Variants in EXOC4 observed in about 807,000 individuals in gnomAD.
EXOC4 encodes SEC8-like 1.
A neutral mutation model predicts 107.2 loss-of-function variants in EXOC4; 71 were observed. The observed-to-expected ratio is 0.66, with a 90% CI of 0.55 to 0.81. EXOC4 has a LOEUF of 0.81. Ranked by LOEUF, EXOC4 falls within the 30% of genes least tolerant of loss-of-function variation. EXOC4 has a pLI of 0.00. For synonymous variants in EXOC4, 456 were observed against 441.2 expected, an observed-to-expected ratio of 1.03 and a Z score of -0.42; for missense variants, 1,108 against 1,189.6, an observed-to-expected ratio of 0.93 and a Z score of 1.01.
chr7:133,668,482 C>T (rs969527759), intron 10 of EXOC4, among the ~76,000 whole-genome samples: 1 of 152,196 alleles, frequency 6.6e-6, no homozygotes, highest in Admixed American at 6.5e-5. Context: ...TGCATTTTCT[C>T]ATAGACATCA....
At chr7:133,681,852 A>G (rs1366811041) in intron 10 of EXOC4, among the ~76,000 whole-genome samples, 2 of 152,156 alleles carry the variant, frequency 1.3e-5, no homozygotes, top group African/African-American at 4.8e-5. Flanking sequence ...ATTAATACAT[A>G]TGAAATGCTT....
chr7:133,950,049 C>G (rs1370246553), intron 14 of EXOC4, among the ~76,000 whole-genome samples: 1 of 152,094 alleles, frequency 6.6e-6, no homozygotes, highest in Non-Finnish European at 1.5e-5. Context: ...TATTCTCTAT[C>G]TCTTTGGAAC....
intron 1 of EXOC4, chr7:133,254,063 C>T (rs1241438947): frequency 6.6e-6 from 1 of 151,622 alleles, no homozygotes. Context: ...CTCTATTTTT[C>T]CCCACCTATA....
At chr7:134,092,922 C>CAAAAAA in the EXOC4 span, among the ~76,000 whole-genome samples, 44 of 80,482 alleles carry the variant, frequency 5.5e-4, 1 homozygote, top group African/African-American at 1.7e-3. Context: ...GACTCCATCT[C>CAAAAAA]AAAAAAAAAA....
intron 11 of EXOC4, among the ~76,000 whole-genome samples, chr7:133,823,351 A>G (rs1797570529): frequency 6.6e-6 from 1 of 152,074 alleles, no homozygotes; most frequent in African/African-American, 2.4e-5. Flanking sequence ...AACTTCCTAA[A>G]AATACCACTT....
intron 16 of EXOC4, among the ~76,000 whole-genome samples, chr7:134,006,670 A>C (rs1360363935): frequency 6.6e-6 from 1 of 152,166 alleles, no homozygotes; most frequent in African/African-American, 2.4e-5. Context: ...AGACTTCAGA[A>C]CAGGAAAACA....
At chr7:133,558,274 G>T (rs553698845) in intron 9 of EXOC4, among the ~76,000 whole-genome samples, 1 of 91,700 alleles carries the variant, frequency 1.1e-5, no homozygotes, top group Non-Finnish European at 2.3e-5. Context: ...AGCACTTTTT[G>T]CCCTGTAATC....
chr7:133,871,902 G>A (rs1282162917), intron 11 of EXOC4, among the ~76,000 whole-genome samples: 1 of 152,134 alleles, frequency 6.6e-6, no homozygotes, highest in Non-Finnish European at 1.5e-5. Flanking sequence ...ACAATAATGG[G>A]TGGCTTATAG....
intron 11 of EXOC4, among the ~76,000 whole-genome samples, chr7:133,834,898 GGGGGGGTCTTTCCT>G (rs1270184035): frequency 6.6e-6 from 1 of 152,006 alleles, no homozygotes; most frequent in African/African-American, 2.4e-5. Flanking sequence ...ATTATGGGTT[GGGGGGGTCTTTCCT>G]GCACTGTACT....
At chr7:133,810,024 T>G (rs1277356011) in intron 10 of EXOC4, among the ~76,000 whole-genome samples, 2 of 152,266 alleles carry the variant, frequency 1.3e-5, no homozygotes, top group African/African-American at 4.8e-5. Context: ...TGTTCTTCTT[T>G]ATATCATATC....
chr7:133,726,510 C>T (rs1252223614), intron 10 of EXOC4, among the ~76,000 whole-genome samples: 1 of 152,226 alleles, frequency 6.6e-6, no homozygotes, highest in Non-Finnish European at 1.5e-5. Context: ...ACTCCTTGAC[C>T]AGGAATTTGT....
intron 10 of EXOC4, among the ~76,000 whole-genome samples, chr7:133,717,137 A>C (rs1795014129): frequency 1.3e-5 from 2 of 152,292 alleles, no homozygotes; most frequent in Admixed American, 6.5e-5. Context: ...ATGAACTGTA[A>C]AAACTTCTGA....
intron 10 of EXOC4, among the ~76,000 whole-genome samples, chr7:133,701,518 AC>A (rs1585088707): frequency 6.6e-6 from 1 of 152,276 alleles, no homozygotes; most frequent in East Asian, 1.9e-4. Flanking sequence ...TCCAATGGAT[AC>A]CTGAATCCAT....
chr7:133,469,051 A>C (rs775192685), intron 7 of EXOC4, among the ~76,000 whole-genome samples: 4 of 152,206 alleles, frequency 2.6e-5, no homozygotes, highest in Non-Finnish European at 4.4e-5. Flanking sequence ...GAAGCAGTCT[A>C]TTATCAGACT....
chr7:133,949,003 G>A (rs1800623727), intron 14 of EXOC4, among the ~76,000 whole-genome samples: 1 of 152,200 alleles, frequency 6.6e-6, no homozygotes, highest in South Asian at 2.1e-4. Context: ...CAAGGCGAAT[G>A]CAATGCTGTG....
intron 3 of EXOC4, among the ~76,000 whole-genome samples, chr7:133,291,414 C>T (rs573941597): frequency 2.7e-5 from 4 of 146,556 alleles, no homozygotes; most frequent in Non-Finnish European, 4.5e-5. Flanking sequence ...GACAGGCTCA[C>T]TCTGTTTTCC....
At position 133,253,140 on chromosome 7, in the gene EXOC4, A is replaced by G. The variant is rs752355682; in HGVS notation, c.39A>G (p.Thr13=). 5.0e-6 allele frequency: 8 copies of G among 1,614,090 alleles called. No individual in the cohort carries two copies. The highest frequency in any genetic ancestry group is 1.6e-4 in the Middle Eastern group (1 of 6,084). The change falls in exon 1 of 18, where the codon ACA becomes ACG. Residue 13 remains threonine, a synonymous_variant. Coordinates refer to ENST00000253861, the MANE Select transcript of EXOC4 (RefSeq NM_021807.4). ...AEAAGGKYRS[T]VSKSKDPSGL... ...CAGCTGGTGGGAAATACAGAAGCACAGTCAGCAAAAGCAAAGACCCCTCGG... is the reference window on the plus strand; with the variant it reads ...CAGCTGGTGGGAAATACAGAAGCACGGTCAGCAAAAGCAAAGACCCCTCGG...
chr7:133,933,029 G>T (rs564786423), intron 13 of EXOC4, among the ~76,000 whole-genome samples: 1 of 148,818 alleles, frequency 6.7e-6, no homozygotes, highest in South Asian at 2.2e-4. Context: ...ATTGCATCAG[G>T]TCTGCTGAAA....
intron 11 of EXOC4, among the ~76,000 whole-genome samples, chr7:133,838,261 T>G (rs1797958283): frequency 6.6e-6 from 1 of 152,172 alleles, no homozygotes; most frequent in Admixed American, 6.5e-5. Flanking sequence ...GCGGTAATGG[T>G]TCTTTTATGA....
Sources: allele counts gnomAD v4.1 joint callset (sites outside exome capture counted in the v4.1 genomes callset), GRCh38; gene constraint gnomAD v4.1.1; transcripts MANE v1.5; gene names NCBI Gene and HGNC (gene_info 2026-07-23, HGNC 2026-07-21).